The following CHST9 variants were observed in gnomAD, a reference collection of about 807,000 sequenced individuals.
CHST9 encodes GalNAc-4-sulfotransferase 2.
CHST9 carries 41 observed loss-of-function variants against 44.4 expected under a neutral mutation model. That is an observed-to-expected ratio of 0.92 (90% CI 0.72 to 1.20). CHST9 has a LOEUF of 1.20. CHST9 is among the 50% of genes most tolerant of loss of function. The pLI is 0.00. For missense variants in CHST9, 504 were observed against 516.5 expected (o/e 0.98, Z 0.23); for synonymous variants, 171 against 178.4 (o/e 0.96, Z 0.33).
At chr18:27,000,658 CTCTA>C (rs1225128467) in intron 4 of CHST9, among the ~76,000 whole-genome samples, 5 of 74,528 alleles carry the variant, frequency 6.7e-5, no homozygotes, top group Non-Finnish European at 1.0e-4. Flanking sequence ...CTATCTATCT[CTCTA>C]TCTATCTATT....
At chr18:27,168,643 TA>T (rs1489509571) in intron 1 of CHST9, among the ~76,000 whole-genome samples, 14 of 152,164 alleles carry the variant, frequency 9.2e-5, no homozygotes, top group Admixed American at 8.5e-4. Context: ...GAAAACCAAG[TA>T]AGAGGTATCA....
chr18:27,170,098 A>C (rs2058822907), intron 1 of CHST9, among the ~76,000 whole-genome samples: 1 of 152,202 alleles, frequency 6.6e-6, no homozygotes, highest in African/African-American at 2.4e-5. Context: ...TTGAAGAGAG[A>C]GAATGAGAGG....
At chr18:27,129,501 T>C (rs1425689478) in intron 2 of CHST9, among the ~76,000 whole-genome samples, 1 of 152,134 alleles carries the variant, frequency 6.6e-6, no homozygotes, top group East Asian at 1.9e-4. Flanking sequence ...CAAGCAATTC[T>C]CCTGCCCCAG....
intron 1 of CHST9, among the ~76,000 whole-genome samples, chr18:27,174,327 T>C (rs2058852502): frequency 6.6e-6 from 1 of 151,924 alleles, no homozygotes; most frequent in Admixed American, 6.6e-5. Flanking sequence ...AATCTACCAG[T>C]TTAGATTTGC....
intron 2 of CHST9, among the ~76,000 whole-genome samples, chr18:27,086,932 T>G (rs530213299): frequency 6.6e-6 from 1 of 152,214 alleles, no homozygotes; most frequent in African/African-American, 2.4e-5. Context: ...ATGAGGTGGT[T>G]TCTTTAATTT....
intron 5 of CHST9, among the ~76,000 whole-genome samples, chr18:26,927,768 C>G (rs1440157694): frequency 4.0e-5 from 6 of 150,654 alleles, no homozygotes; most frequent in African/African-American, 1.5e-4. Context: ...CCTCTTATCT[C>G]AACTGCAAAG....
intron 2 of CHST9, among the ~76,000 whole-genome samples, chr18:27,070,165 C>T (rs1191793373): frequency 1.3e-5 from 2 of 152,164 alleles, no homozygotes; most frequent in African/African-American, 2.4e-5. Context: ...CTTGTAGCTA[C>T]TATCTGCCCT....
At chr18:27,008,081 A>G (rs1319762771) in intron 4 of CHST9, among the ~76,000 whole-genome samples, 2 of 152,176 alleles carry the variant, frequency 1.3e-5, no homozygotes, top group Non-Finnish European at 2.9e-5. Flanking sequence ...GACCCACAGC[A>G]TAGGAGGGAC....
In CHST9 at chr18:27,053,267, GGAGA is replaced by G. The variant is rs1245077032; in HGVS notation, c.122-4768_122-4765del. Among the ~76,000 whole-genome samples, 149 of 109,300 alleles carry G rather than the reference GGAGA, an allele frequency of 1.4e-3. 4 individuals carry two copies. The highest frequency in any genetic ancestry group is 4.6e-3 in the African/African-American group (131 of 28,390). 71.7% of individuals were successfully genotyped at this position (109,300 alleles called of 152,430 possible). A position where few individuals can be genotyped will look rare whatever the true frequency, so the allele number is the denominator to read the frequency against. ...AGAAGAAGAAGAAGAAGAAGGAGAA[GGAGA>G]AGGAGAAGGAGAAGGAGAAGGAGAA... On this transcript the variant is annotated intron_variant, in intron 2 of 5. Transcript: ENST00000618847.
intron 4 of CHST9, among the ~76,000 whole-genome samples, chr18:27,010,783 T>C (rs964350499): frequency 8.5e-5 from 13 of 152,120 alleles, no homozygotes; most frequent in African/African-American, 3.1e-4. Flanking sequence ...TGATATCTGA[T>C]TGGGAATTTC....
At chr18:27,038,484 T>C (rs2057412626) in intron 3 of CHST9, among the ~76,000 whole-genome samples, 1 of 152,034 alleles carries the variant, frequency 6.6e-6, no homozygotes, top group Non-Finnish European at 1.5e-5. Context: ...AGGTGAAGGT[T>C]GCAGTGAGCT....
rs140265797 is a variant in CHST9, at chr18:27,130,359, A to G, written c.121+12330T>C. Among the ~76,000 whole-genome samples, 905 of 152,316 alleles carry G rather than the reference A, an allele frequency of 5.9e-3. 12 individuals carry two copies. Among genetic ancestry groups the G allele is most frequent in the African/African-American group, 0.021 (859 of 41,570 alleles). On this transcript the variant is annotated intron_variant, in intron 2 of 5. Transcript: ENST00000618847. Reference sequence around the variant, plus strand: ...CTGTGAAATACTCTGTTGGCATACCAATAAAGTAAGAAACACTGAGAGCAG... The same window carrying G: ...CTGTGAAATACTCTGTTGGCATACCGATAAAGTAAGAAACACTGAGAGCAG...
intron 2 of CHST9, among the ~76,000 whole-genome samples, chr18:27,141,186 GTC>G (rs1294006016): frequency 2.0e-5 from 3 of 152,046 alleles, no homozygotes; most frequent in Non-Finnish European, 4.4e-5. Flanking sequence ...GTGAAACCCC[GTC>G]TCTACTAAAA....
chr18:27,137,304 ATGTG>A (rs60705060), intron 2 of CHST9, among the ~76,000 whole-genome samples: 8,859 of 144,888 alleles, frequency 0.061, 377 homozygotes, highest in South Asian at 0.12. Flanking sequence ...TTATTTATAT[ATGTG>A]TGTGTGTGTG....
At chr18:27,104,422 T>C (rs2058202779) in intron 2 of CHST9, among the ~76,000 whole-genome samples, 1 of 152,212 alleles carries the variant, frequency 6.6e-6, no homozygotes, top group Non-Finnish European at 1.5e-5. Flanking sequence ...TTACTTTTGT[T>C]TTCTGTGACT....
intron 2 of CHST9, among the ~76,000 whole-genome samples, chr18:27,139,937 T>A (rs1392382227): frequency 6.6e-6 from 1 of 152,204 alleles, no homozygotes; most frequent in Non-Finnish European, 1.5e-5. Flanking sequence ...TCTGTACTGA[T>A]ACTACTGCAT....
intron 4 of CHST9, among the ~76,000 whole-genome samples, chr18:27,009,754 C>G (rs1201676067): frequency 6.6e-6 from 1 of 152,144 alleles, no homozygotes. Context: ...AAATAAAAAA[C>G]ATATCTTCTG....
rs1316164361 is a variant in CHST9 at position 26,915,979 on chromosome 18, C to A, written c.*280G>T. The A allele has an allele frequency of 1.6e-5, 4 of 257,902 alleles. No homozygotes were observed. Among genetic ancestry groups the A allele is most frequent in the Admixed American group, 5.0e-5 (1 of 20,152 alleles). 16.0% of individuals were successfully genotyped at this position (257,902 alleles called of 1,614,324 possible). ...TTGCAAGAGGCTGCTTTAGCTAATGCAACAGCTGGCTAGGTTATTGCTTCA... is the reference window on the plus strand; with the variant it reads ...TTGCAAGAGGCTGCTTTAGCTAATGAAACAGCTGGCTAGGTTATTGCTTCA... On this transcript the variant is annotated 3_prime_UTR_variant, in exon 6 of 6. Transcript: ENST00000618847.
At chr18:27,141,858 G>C (rs1017863548) in intron 2 of CHST9, among the ~76,000 whole-genome samples, 3 of 151,822 alleles carry the variant, frequency 2.0e-5, no homozygotes, top group African/African-American at 7.3e-5. Flanking sequence ...TCTACCAATG[G>C]AAACCATCAG....
Sources: gnomAD v4.1 joint callset for allele counts (sites outside exome capture counted in the v4.1 genomes callset) on GRCh38, gnomAD v4.1.1 for gene constraint, MANE v1.5 for transcripts, NCBI Gene and HGNC (gene_info 2026-07-23, HGNC 2026-07-21) for gene names.